The following DSCAM variants were observed in gnomAD, a reference collection of about 807,000 sequenced individuals.
DSCAM encodes the protein DS cell adhesion molecule, also known as cell adhesion molecule DSCAM.
In DSCAM, 47 loss-of-function variants were observed where a neutral mutation model predicts 217.7. That is an observed-to-expected ratio of 0.22 (90% CI 0.17 to 0.28). The LOEUF is 0.28. Among genes scored for constraint, DSCAM ranks in the 10% least tolerant of loss-of-function variants. The pLI is 1.00. For synonymous variants in DSCAM, 1,056 were observed against 1,015.3 expected, an observed-to-expected ratio of 1.04 and a Z score of -0.76; for missense variants, 2,080 against 2,618.3, an observed-to-expected ratio of 0.79 and a Z score of 4.49.
chr21:40,835,835 A>G (rs1569060887), intron 1 of DSCAM, among the ~76,000 whole-genome samples: 1 of 152,328 alleles, frequency 6.6e-6, no homozygotes, highest in East Asian at 1.9e-4. Context: ...CTATTTTGTC[A>G]TATATGTAAC....
At chr21:40,364,241 A>T (rs886150830) in intron 4 of DSCAM, among the ~76,000 whole-genome samples, 2 of 152,132 alleles carry the variant, frequency 1.3e-5, no homozygotes, top group South Asian at 4.1e-4. Context: ...ATGTTTATTG[A>T]GGCATTATTC....
intron 16 of DSCAM, among the ~76,000 whole-genome samples, chr21:40,161,638 A>T (rs1222260271): frequency 2.0e-5 from 3 of 151,896 alleles, no homozygotes; most frequent in Admixed American, 6.6e-5. Context: ...AGATTTTGAA[A>T]TTTTTTTTTC....
rs182470026 is a variant in DSCAM, at chr21:40,390,875, G to A, written c.509-21630C>T. ...TAAGGTCACATTCTGAGCCACTGGCGCATTAGAGCTTCAATATCATTTGAG... is the reference window on the plus strand; with the variant it reads ...TAAGGTCACATTCTGAGCCACTGGCACATTAGAGCTTCAATATCATTTGAG... On this transcript the variant is annotated intron_variant, in intron 3 of 32. Coordinates refer to ENST00000400454, the MANE Select transcript of DSCAM (RefSeq NM_001389.5). Among the ~76,000 whole-genome samples, 323 of 152,166 alleles carry A rather than the reference G, an allele frequency of 2.1e-3. 3 individuals are homozygous for A. Among genetic ancestry groups the A allele is most frequent in the African/African-American group, 7.6e-3 (317 of 41,500 alleles).
chr21:40,139,805 T>C (rs1382510065), intron 18 of DSCAM, among the ~76,000 whole-genome samples: 1 of 150,788 alleles, frequency 6.6e-6, no homozygotes, highest in Non-Finnish European at 1.5e-5. Context: ...ATGTGGTGTA[T>C]GTGTGGTGTG....
chr21:40,355,260 A>G (rs749322386), intron 4 of DSCAM, among the ~76,000 whole-genome samples: 3 of 152,230 alleles, frequency 2.0e-5, no homozygotes, highest in South Asian at 4.1e-4. Context: ...CTCTCTGAGA[A>G]GATGGTATTT....
intron 3 of DSCAM, among the ~76,000 whole-genome samples, chr21:40,569,646 T>C (rs1314958925): frequency 1.3e-5 from 2 of 152,208 alleles, no homozygotes; most frequent in Non-Finnish European, 2.9e-5. Context: ...TTCAGATTTC[T>C]ATCTGTCCCC....
chr21:40,820,711 A>G (rs1485262519), intron 1 of DSCAM, among the ~76,000 whole-genome samples: 3 of 152,188 alleles, frequency 2.0e-5, no homozygotes, highest in Non-Finnish European at 2.9e-5. Context: ...GTAAAAATTC[A>G]AAGAAAAAAA....
intron 30 of DSCAM, among the ~76,000 whole-genome samples, chr21:40,050,092 C>T (rs1043852146): frequency 1.3e-5 from 2 of 152,136 alleles, no homozygotes; most frequent in African/African-American, 2.4e-5. Context: ...CAGTGTTTCT[C>T]AATGTGGGGT....
chr21:40,600,734 A>G (rs556270341), intron 3 of DSCAM, among the ~76,000 whole-genome samples: 1 of 152,252 alleles, frequency 6.6e-6, no homozygotes, highest in African/African-American at 2.4e-5. Flanking sequence ...TATTTGCTAA[A>G]TTTTGTGTCT....
rs150065931 is a variant in DSCAM, at chr21:40,603,231, T to C, written c.508+89579A>G. ...CTATGATTTTAATTTTCTTGAGATG[T>C]CTTTTATAGTCCAGAATATAGTCTT... On this transcript the variant is annotated intron_variant, in intron 3 of 32. Coordinates refer to ENST00000400454, the MANE Select transcript of DSCAM (RefSeq NM_001389.5). Among the ~76,000 whole-genome samples, 21 of 152,262 alleles carry C rather than the reference T, an allele frequency of 1.4e-4. 1 individual carries two copies. Among genetic ancestry groups the C allele is most frequent in the East Asian group, 1.4e-3 (7 of 5,160 alleles).
chr21:40,250,171 CG>C (rs923657127), intron 11 of DSCAM, among the ~76,000 whole-genome samples: 1 of 151,934 alleles, frequency 6.6e-6, no homozygotes, highest in Non-Finnish European at 1.5e-5. Flanking sequence ...TGACCTATGA[CG>C]GTTTGGGGAT....
chr21:40,087,494 T>C (rs1471196444), intron 21 of DSCAM, among the ~76,000 whole-genome samples: 1 of 152,238 alleles, frequency 6.6e-6, no homozygotes, highest in African/African-American at 2.4e-5. Flanking sequence ...CATTGTAGCA[T>C]TCTTTTCTTC....
At chr21:40,332,195 G>T (rs2074384572) in intron 8 of DSCAM, among the ~76,000 whole-genome samples, 2 of 152,044 alleles carry the variant, frequency 1.3e-5, no homozygotes, top group Non-Finnish European at 2.9e-5. Context: ...TTAACATGTT[G>T]TCTGTCTTGA....
At chr21:40,235,365 G>T (rs985823992) in intron 11 of DSCAM, among the ~76,000 whole-genome samples, 21 of 152,152 alleles carry the variant, frequency 1.4e-4, no homozygotes, top group African/African-American at 4.8e-4. Context: ...GAAGCTGTCA[G>T]GTTTTCAAAA....
intron 3 of DSCAM, among the ~76,000 whole-genome samples, chr21:40,420,687 T>G (rs1334521340): frequency 6.6e-6 from 1 of 152,176 alleles, no homozygotes; most frequent in African/African-American, 2.4e-5. Flanking sequence ...ACTAATCCAA[T>G]ATGCCTGGTA....
At chr21:40,091,943 G>T (rs914683294) in intron 21 of DSCAM, among the ~76,000 whole-genome samples, 3 of 152,118 alleles carry the variant, frequency 2.0e-5, no homozygotes, top group African/African-American at 7.2e-5. Flanking sequence ...TACAATCCAA[G>T]ATGAGACTTG....
intron 3 of DSCAM, among the ~76,000 whole-genome samples, chr21:40,544,364 C>T (rs1401721738): frequency 1.3e-5 from 2 of 152,140 alleles, no homozygotes; most frequent in East Asian, 1.9e-4. Context: ...TCTGGAACCT[C>T]AGAATGTGAC....
chr21:40,638,643 G>A (rs750156953), intron 3 of DSCAM, among the ~76,000 whole-genome samples: 3 of 152,100 alleles, frequency 2.0e-5, no homozygotes, highest in Non-Finnish European at 4.4e-5. Context: ...CTGTAATTAC[G>A]GAATGGGTAG....
Position 40,449,351 on chromosome 21 carries a change from T to C in DSCAM, c.509-80106A>G, listed in dbSNP as rs996016140. ...ATCATTCTATCACAATATTTTTATA[T>C]ACATGACTATTTCTCAAGTATATTC... On this transcript the variant is annotated intron_variant, in intron 3 of 32. Coordinates refer to ENST00000400454, the MANE Select transcript of DSCAM (RefSeq NM_001389.5). Among the ~76,000 whole-genome samples, 5 of 152,196 alleles carry C rather than the reference T, an allele frequency of 3.3e-5. No homozygotes were observed. In the South Asian group the frequency reaches 6.2e-4, roughly 19 times the overall value.
Sources: allele counts gnomAD v4.1 joint callset (sites outside exome capture counted in the v4.1 genomes callset), GRCh38; gene constraint gnomAD v4.1.1; transcripts MANE v1.5; gene names NCBI Gene and HGNC (gene_info 2026-07-23, HGNC 2026-07-21).